Variants in UGGT2 observed in about 807,000 individuals in gnomAD.
The protein encoded by UGGT2 is UDP-glucose:glycoprotein glucosyltransferase 2.
In UGGT2, 180 loss-of-function variants were observed where a neutral mutation model predicts 192.1. The ratio of observed to expected loss-of-function variants is 0.94; its 90% CI spans 0.83 to 1.06. UGGT2 has a LOEUF of 1.06. Ranked by LOEUF, UGGT2 falls within the 50% of genes least tolerant of loss-of-function variation. The pLI, the probability that UGGT2 is intolerant of heterozygous loss-of-function variation, is 0.00. For synonymous variants in UGGT2, 580 were observed against 591.0 expected (o/e 0.98, Z 0.27); for missense variants, 1,849 against 1,795.7 (o/e 1.03, Z -0.54).
intron 26 of UGGT2, among the ~76,000 whole-genome samples, chr13:95,886,033 A>C (rs2047636554): frequency 6.6e-6 from 1 of 152,188 alleles, no homozygotes; most frequent in Non-Finnish European, 1.5e-5. Context: ...GAAAAAAGCT[A>C]GTATAGAGAT....
intron 29 of UGGT2, among the ~76,000 whole-genome samples, chr13:95,869,409 G>A (rs886864008): frequency 2.0e-5 from 3 of 152,038 alleles, no homozygotes; most frequent in African/African-American, 7.3e-5. Context: ...ACCCAGTAAT[G>A]GGATGACTGG....
At chr13:95,952,868 T>TGA (rs1243758823) in intron 12 of UGGT2, among the ~76,000 whole-genome samples, 50 of 152,292 alleles carry the variant, frequency 3.3e-4, no homozygotes, top group Non-Finnish European at 1.8e-4. Context: ...CTCTAGAGAT[T>TGA]GATCAAGAAT....
intron 10 of UGGT2, among the ~76,000 whole-genome samples, chr13:95,976,537 AC>A (rs1361358043): frequency 1.3e-5 from 2 of 152,074 alleles, no homozygotes; most frequent in Non-Finnish European, 2.9e-5. Flanking sequence ...GTACATTCCC[AC>A]CAACAGTGCA....
rs1484956164 is a variant in UGGT2 at position 96,023,702 on chromosome 13, T to G, written c.299A>C (p.Asn100Thr). Residue 100 changes from asparagine (N) to threonine (T), a missense_variant, in exon 3 of 39, where the codon AAT (asparagine) becomes ACT (threonine). Transcript: ENST00000376747. ...ILKKAGQFLD[N>T]LHINLLKFAF... is the part of the protein sequence containing the mutation. Reference sequence around the variant, plus strand: ...AAACTTTAAAAGGTTGATGTGTAAATTGTCTAGAAACTGTCCAGCTTTCTT... The same window carrying G: ...AAACTTTAAAAGGTTGATGTGTAAAGTGTCTAGAAACTGTCCAGCTTTCTT... 2.5e-6 allele frequency: 4 copies of G among 1,611,788 alleles called. No homozygotes were observed. The highest frequency in any genetic ancestry group is 3.4e-6 in the Non-Finnish European group (4 of 1,178,410).
At position 95,887,974 on chromosome 13, in the gene UGGT2, A is replaced by T. The variant is rs372199673; in HGVS notation, c.2959-3T>A. On this transcript the variant is annotated splice_polypyrimidine_tract_variant and splice_region_variant and intron_variant, in intron 25 of 38. Coordinates refer to ENST00000376747, the MANE Select transcript of UGGT2 (RefSeq NM_020121.4). Reference sequence around the variant, plus strand: ...ATGTTGATAATCTTGCCAAGTACCTATTGGAAAGAAATTCCCATGTTTGAT... The same window carrying T: ...ATGTTGATAATCTTGCCAAGTACCTTTTGGAAAGAAATTCCCATGTTTGAT... 60 of 1,583,990 alleles carry T rather than the reference A, an allele frequency of 3.8e-5. No individual in the cohort carries two copies. Among genetic ancestry groups the T allele is most frequent in the Non-Finnish European group, 5.2e-5 (60 of 1,161,540 alleles).
intron 29 of UGGT2, among the ~76,000 whole-genome samples, chr13:95,868,997 T>C (rs1214677051): frequency 6.6e-6 from 1 of 151,704 alleles, no homozygotes; most frequent in Non-Finnish European, 1.5e-5. Context: ...AACTCTTCAT[T>C]TAACATTAGG....
At chr13:95,996,888 T>C (rs2051639897) in intron 6 of UGGT2, among the ~76,000 whole-genome samples, 1 of 152,110 alleles carries the variant, frequency 6.6e-6, no homozygotes, top group Non-Finnish European at 1.5e-5. Flanking sequence ...GATATAATAT[T>C]TTATAGTCAT....
intron 37 of UGGT2, among the ~76,000 whole-genome samples, chr13:95,833,254 A>T (rs554904931): frequency 7.4e-4 from 113 of 152,294 alleles, no homozygotes; most frequent in Admixed American, 1.4e-3. Flanking sequence ...AAATACCTCA[A>T]TCAGAAATTT....
intron 20 of UGGT2, among the ~76,000 whole-genome samples, chr13:95,911,859 C>A (rs2048509725): frequency 6.6e-6 from 1 of 152,188 alleles, no homozygotes. Flanking sequence ...CAAACCAAAT[C>A]CAGCAGCACA....
chr13:95,937,134 T>C, intron 16 of UGGT2, 46 bp from the exon 17 acceptor site: 1 of 1,545,240 alleles, frequency 6.5e-7, no homozygotes, highest in South Asian at 1.3e-5. Context: ...ATATGATTGT[T>C]TGAATAATAA....
chr13:95,801,769 T>G lies in UGGT2; in HGVS notation c.*21A>C, dbSNP rs772698211. The G allele has an allele frequency of 1.2e-6, 2 of 1,611,122 alleles. No homozygotes were observed. The highest frequency in any genetic ancestry group is 1.7e-6 in the Non-Finnish European group (2 of 1,178,710). On this transcript the variant is annotated 3_prime_UTR_variant, in exon 39 of 39. Coordinates refer to ENST00000376747, the MANE Select transcript of UGGT2 (RefSeq NM_020121.4). ...CAGGTTTCCTGTCATGCTTTCGCCT[T>G]CCTTCTCATATACACCAGTGCTAGA...
intron 14 of UGGT2, 145 bp downstream of exon 14, chr13:95,947,848 TATA>T (rs2049929137): frequency 1.7e-6 from 1 of 580,160 alleles, no homozygotes; most frequent in South Asian, 2.2e-5. Context: ...CATAAAGGTA[TATA>T]ATACTTCACA....
chr13:95,969,558 T>A (rs888929898), intron 12 of UGGT2, among the ~76,000 whole-genome samples: 6 of 152,172 alleles, frequency 3.9e-5, no homozygotes, highest in Admixed American at 6.5e-5. Flanking sequence ...TTTCTAAGCA[T>A]GAGACAAAGG....
intron 16 of UGGT2, among the ~76,000 whole-genome samples, chr13:95,937,887 A>G (rs995529853): frequency 4.6e-5 from 7 of 152,192 alleles, no homozygotes; most frequent in Admixed American, 6.5e-5. Flanking sequence ...CTGTGTCCCC[A>G]CCCAATTCTT....
chr13:95,927,014 A>G lies in UGGT2; in HGVS notation c.2200+14T>C. 1 of 1,583,194 alleles carries G rather than the reference A, an allele frequency of 6.3e-7. No homozygotes were observed. ...TCACTTTAAGAATTCAGGTAAATAA[A>G]ATATGCTTATTACCGTCTTGGGTTA... On this transcript the variant is annotated intron_variant, in intron 19 of 38. Coordinates refer to ENST00000376747, the MANE Select transcript of UGGT2 (RefSeq NM_020121.4).
At chr13:95,869,556 C>T (rs1328622997) in intron 29 of UGGT2, among the ~76,000 whole-genome samples, 1 of 152,164 alleles carries the variant, frequency 6.6e-6, no homozygotes, top group Non-Finnish European at 1.5e-5. Flanking sequence ...GTTTTAAGCA[C>T]TTCATAGATG....
intron 1 of UGGT2, 74 bp downstream of exon 1, chr13:96,053,081 G>C (rs1253827697): frequency 7.2e-7 from 1 of 1,396,078 alleles, no homozygotes; most frequent in African/African-American, 1.5e-5. Context: ...CACCCGCTGC[G>C]AGCACGAAGA....
intron 36 of UGGT2, among the ~76,000 whole-genome samples, chr13:95,840,994 G>T (rs576614013): frequency 2.0e-5 from 3 of 152,180 alleles, no homozygotes; most frequent in Non-Finnish European, 2.9e-5. Context: ...AGTGGGAGTT[G>T]AACAATGAGA....
At chr13:96,028,382 C>T (rs1194166745) in intron 2 of UGGT2, among the ~76,000 whole-genome samples, 1 of 152,150 alleles carries the variant, frequency 6.6e-6, no homozygotes, top group South Asian at 2.1e-4. Flanking sequence ...GTAAAAACCA[C>T]TAAAATCTTC....
Sources: gnomAD v4.1 joint callset for allele counts (sites outside exome capture counted in the v4.1 genomes callset) on GRCh38, gnomAD v4.1.1 for gene constraint, MANE v1.5 for transcripts, NCBI Gene and HGNC (gene_info 2026-07-23, HGNC 2026-07-21) for gene names.